Variants in FOXO1 observed in about 807,000 individuals in gnomAD.
FOXO1 encodes the protein forkhead box protein O1.
In FOXO1, 6 loss-of-function variants were observed where a neutral mutation model predicts 44.1. The ratio of observed to expected loss-of-function variants is 0.14; its 90% CI spans 0.07 to 0.27. The LOEUF (loss-of-function observed/expected upper bound fraction) is 0.27, where lower values mean the gene tolerates loss of function less well. Ranked by LOEUF, FOXO1 falls within the 10% of genes least tolerant of loss-of-function variation. The probability of loss-of-function intolerance (pLI) is 1.00; values close to 1 mark genes in which losing one functional copy is unlikely to be tolerated. For synonymous variants in FOXO1, 380 were observed against 362.7 expected (o/e 1.05, Z -0.54); for missense variants, 737 against 888.8 (o/e 0.83, Z 2.17).
In FOXO1 at chr13:40,665,742, G is replaced by A; in HGVS notation, c.471C>T (p.Arg157=). ...GQPRKSSSSR[R]NAWGNLSYAD... ...CGTAGGACAGGTTGCCCCACGCGTTGCGGCGGGACGAGCTGCTCTTGCGCG... is the reference window on the plus strand; with the variant it reads ...CGTAGGACAGGTTGCCCCACGCGTTACGGCGGGACGAGCTGCTCTTGCGCG... The change falls in exon 1 of 3, where the codon CGC becomes CGT. Residue 157 remains arginine, a synonymous_variant. Coordinates refer to ENST00000379561, the MANE Select transcript of FOXO1 (RefSeq NM_002015.4). The A allele has an allele frequency of 7.0e-7, 1 of 1,430,508 alleles. No homozygotes were observed. The highest frequency in any genetic ancestry group is 2.9e-5 in the East Asian group (1 of 34,730). 88.6% of individuals were successfully genotyped at this position (1,430,508 alleles called of 1,614,324 possible).
rs1419731141 is a variant in FOXO1 at position 40,560,090 on chromosome 13, A to G, written c.1401T>C (p.Thr467=). ...CAPGLLKELL[T]SDSPPHNDIM... is the part of the protein sequence containing the mutation. Reference sequence around the variant, plus strand: ...TGTCATTATGGGGAGGAGAGTCAGAAGTCAGCAACTCCTTCAAGAGTCCAG... The same window carrying G: ...TGTCATTATGGGGAGGAGAGTCAGAGGTCAGCAACTCCTTCAAGAGTCCAG... The change falls in exon 2 of 3, where the codon ACT becomes ACC. Residue 467 remains threonine, a synonymous_variant. Transcript: ENST00000379561. The surrounding 1 kb of genome is among the most constrained non-coding windows in gnomAD (Gnocchi z 5.1). 1.2e-6 allele frequency: 2 copies of G among 1,614,166 alleles called. No individual in the cohort carries two copies. Among genetic ancestry groups the G allele is most frequent in the East Asian group, 4.5e-5 (2 of 44,876 alleles).
chr13:40,633,312 T>C (rs1410433313), intron 1 of FOXO1, among the ~76,000 whole-genome samples: 4 of 152,194 alleles, frequency 2.6e-5, no homozygotes, highest in Non-Finnish European at 5.9e-5. Flanking sequence ...AAACTATACA[T>C]GAATAATCAA....
rs558154157 is a variant in FOXO1, at chr13:40,555,677, G to C, written c.*3372C>G. On this transcript the variant is annotated 3_prime_UTR_variant, in exon 3 of 3. Transcript: ENST00000379561. ...CCAATGACAACATTGTGGCTGACAA[G>C]ACTTAACTCAAGTATTTAATAGCTT... is the stretch of plus-strand genomic sequence containing the variant. 1 of 152,706 alleles carries C rather than the reference G, an allele frequency of 6.5e-6. No individual in the cohort carries two copies. Among genetic ancestry groups the C allele is most frequent in the African/African-American group, 2.4e-5 (1 of 41,554 alleles). The allele number at this position is 152,706 out of a possible 1,614,324, so 9.5% of individuals were successfully genotyped here.
At chr13:40,567,145 C>G (rs2755210) in intron 1 of FOXO1, among the ~76,000 whole-genome samples, 58,285 of 151,672 alleles carry the variant, frequency 0.38, 13,046 homozygotes, top group East Asian at 0.75. Flanking sequence ...CTGTCAGCCA[C>G]GGGTCTCCAC....
intron 1 of FOXO1, among the ~76,000 whole-genome samples, chr13:40,664,042 A>AG (rs1384493349): frequency 1.3e-5 from 2 of 152,214 alleles, no homozygotes; most frequent in Non-Finnish European, 1.5e-5. Context: ...TGGGAGGCCG[A>AG]GGCGGGCCGA....
At chr13:40,653,445 C>T (rs889313188) in intron 1 of FOXO1, among the ~76,000 whole-genome samples, 3 of 152,140 alleles carry the variant, frequency 2.0e-5, no homozygotes, top group Non-Finnish European at 4.4e-5. Context: ...AGGAAATGCA[C>T]TAATTTTTTA....
At chr13:40,570,576 T>C (rs937655312) in intron 1 of FOXO1, among the ~76,000 whole-genome samples, 9 of 152,336 alleles carry the variant, frequency 5.9e-5, no homozygotes, top group Admixed American at 3.9e-4. Context: ...AATAACCTCA[T>C]ACATTTAGGA....
chr13:40,604,067 G>C (rs139342313), intron 1 of FOXO1, among the ~76,000 whole-genome samples: 7 of 151,890 alleles, frequency 4.6e-5, no homozygotes, highest in Non-Finnish European at 1.5e-5. Context: ...AATTTATCCC[G>C]AACAATTATG....
intron 1 of FOXO1, among the ~76,000 whole-genome samples, chr13:40,641,432 A>C (rs1480513423): frequency 1.3e-5 from 2 of 151,254 alleles, no homozygotes; most frequent in Non-Finnish European, 2.9e-5. Flanking sequence ...ATATATATAT[A>C]TCATTATATA....
intron 1 of FOXO1, among the ~76,000 whole-genome samples, chr13:40,620,800 T>C (rs1217891065): frequency 1.5e-5 from 1 of 67,336 alleles, no homozygotes; most frequent in Admixed American, 1.4e-4. Context: ...TTCCCCTTGC[T>C]TTTTTTTTTT....
intron 1 of FOXO1, among the ~76,000 whole-genome samples, chr13:40,572,526 G>A (rs1488430358): frequency 6.6e-6 from 1 of 152,068 alleles, no homozygotes; most frequent in Non-Finnish European, 1.5e-5. Context: ...TAGGGTTTAC[G>A]TAGAATCTTG....
At chr13:40,650,126 T>C (rs1210931383) in intron 1 of FOXO1, among the ~76,000 whole-genome samples, 4 of 148,678 alleles carry the variant, frequency 2.7e-5, no homozygotes, top group African/African-American at 7.6e-5. Context: ...GAGGGGTGGA[T>C]TATTCATGCC....
intron 1 of FOXO1, among the ~76,000 whole-genome samples, chr13:40,643,932 T>C (rs1267710966): frequency 6.6e-6 from 1 of 152,214 alleles, no homozygotes; most frequent in Non-Finnish European, 1.5e-5. Flanking sequence ...ACCGCAGTGA[T>C]GTGACTTGTC....
chr13:40,615,785 G>T (rs1876404185), intron 1 of FOXO1, among the ~76,000 whole-genome samples: 1 of 152,190 alleles, frequency 6.6e-6, no homozygotes, highest in Non-Finnish European at 1.5e-5. Context: ...TGCATGGCGT[G>T]AAAGGAGGCC....
At chr13:40,656,004 T>C (rs9549252) in intron 1 of FOXO1, among the ~76,000 whole-genome samples, 62,728 of 151,922 alleles carry the variant, frequency 0.41, 14,171 homozygotes, top group East Asian at 0.73. Flanking sequence ...CTGTGCCTTC[T>C]GATGTGCCAC....
Position 40,666,329 on chromosome 13 carries a change from G to A in FOXO1, c.-117C>T, listed in dbSNP as rs1180151248. ...TCCGAGATTTGGGGGAACGAAGCCG[G>A]TGCGGCGAGCGGACGGAAACTGGGA... On this transcript the variant is annotated 5_prime_UTR_variant, in exon 1 of 3. Transcript: ENST00000379561. 3.7e-5 allele frequency: 31 copies of A among 827,092 alleles called. No individual in the cohort carries two copies. The Admixed American group carries it at 1.3e-3, about 35-fold the overall frequency. The allele number at this position is 827,092 out of a possible 1,614,324, so 51.2% of individuals were successfully genotyped here.
intron 1 of FOXO1, among the ~76,000 whole-genome samples, chr13:40,600,212 C>A (rs1464101491): frequency 6.6e-6 from 1 of 152,184 alleles, no homozygotes; most frequent in Non-Finnish European, 1.5e-5. Flanking sequence ...CTGGTCCCCA[C>A]TGAGTTGACA....
intron 1 of FOXO1, among the ~76,000 whole-genome samples, chr13:40,641,509 C>CAGTAT (rs1440853336): frequency 6.6e-6 from 1 of 151,910 alleles, no homozygotes; most frequent in Non-Finnish European, 1.5e-5. Context: ...ATAGGATTGT[C>CAGTAT]AGTATGTGCA....
intron 1 of FOXO1, among the ~76,000 whole-genome samples, chr13:40,563,560 G>A (rs1431814643): frequency 6.6e-6 from 1 of 152,070 alleles, no homozygotes; most frequent in Non-Finnish European, 1.5e-5. Flanking sequence ...CAGGTGTGTG[G>A]TGATGGCAGT....
Sources: gnomAD v4.1 joint callset for allele counts (sites outside exome capture counted in the v4.1 genomes callset) on GRCh38, gnomAD v4.1.1 for gene constraint, Gnocchi (gnomAD v3.1) non-coding constraint, MANE v1.5 for transcripts, NCBI Gene and HGNC (gene_info 2026-07-23, HGNC 2026-07-21) for gene names.